Variants in TTN observed in about 807,000 individuals in gnomAD.
TTN encodes titin.
A neutral mutation model predicts 3,223.0 loss-of-function variants in TTN; 1,525 were observed. The observed-to-expected ratio is 0.47, with a 90% CI of 0.45 to 0.49. The LOEUF is 0.49. Ranked by LOEUF, TTN falls within the 20% of genes least tolerant of loss-of-function variation. The pLI is 0.00. For synonymous variants in TTN, 14,094 were observed against 15,161.0 expected (o/e 0.93, Z 5.17); for missense variants, 40,786 against 43,424.0 (o/e 0.94, Z 5.40).
chr2:178,627,549 C>T lies in TTN; in HGVS notation c.44424+1752G>A, dbSNP rs144721671. Among the ~76,000 whole-genome samples the T allele has an allele frequency of 6.6e-3, 998 of 151,956 alleles. 11 individuals carry two copies. Among genetic ancestry groups the T allele is most frequent in the African/African-American group, 0.023 (945 of 41,508 alleles). On this transcript the variant is annotated intron_variant, in intron 240 of 362. Transcript: ENST00000589042. Reference sequence around the variant, plus strand: ...AAGTTCACAAAAGGCTAAGGTATTTCGGGTGCCTAGAGTAAAGGATTAAAA... The same window carrying T: ...AAGTTCACAAAAGGCTAAGGTATTTTGGGTGCCTAGAGTAAAGGATTAAAA...
chr2:178,741,539 A>G lies in TTN; in HGVS notation c.11694T>C (p.Tyr3898=). 1 of 1,613,874 alleles carries G rather than the reference A, an allele frequency of 6.2e-7. No homozygotes were observed. The highest frequency in any genetic ancestry group is 8.5e-7 in the Non-Finnish European group (1 of 1,179,820). The part of the protein sequence containing the change: ...GEYTCMASND[Y]GKTICSAYLK... ...GATAGGCACTACATATTGTCTTTCC[A>G]TAGTCATTACTGGCCATACATGTAT... The change falls in exon 48 of 363, where the codon TAT becomes TAC. Residue 3898 remains tyrosine (Y), a synonymous_variant. Transcript: ENST00000589042.
In TTN at chr2:178,713,138, A is replaced by G. The variant is rs1281961108; in HGVS notation, c.26996T>C (p.Ile8999Thr). The change falls in exon 93 of 363, where the codon ATA (isoleucine) becomes ACA (threonine). Residue 8999 changes from isoleucine (I) to threonine (T), a missense_variant. By Grantham distance (89) the Ile-to-Thr change is moderately conservative. Transcript: ENST00000589042. ...ATCAGAACCAGCCATATTAGTAGCTATACATGTGTAGTCACCACTGTCTGA... is the reference window on the plus strand; with the variant it reads ...ATCAGAACCAGCCATATTAGTAGCTGTACATGTGTAGTCACCACTGTCTGA... The part of the protein sequence containing the change: ...EESDSGDYTC[I>T]ATNMAGSDEC... The G allele has an allele frequency of 9.9e-6, 16 of 1,613,712 alleles. No homozygotes were observed. Among genetic ancestry groups the G allele is most frequent in the Non-Finnish European group, 1.4e-5 (16 of 1,179,774 alleles).
chr2:178,799,764 G>A, intron 5 of TTN, 33 bp from the exon 6 acceptor site: 1 of 1,614,160 alleles, frequency 6.2e-7, no homozygotes, highest in South Asian at 1.1e-5. Flanking sequence ...CCACGTTGAG[G>A]AGGAATAGCT....
chr2:178,684,226 A>G, intron 132 of TTN, 104 bp downstream of exon 132: 1 of 1,383,562 alleles, frequency 7.2e-7, no homozygotes. Flanking sequence ...CAACAACAAC[A>G]TCAACAACAA....
intron 117 of TTN, chr2:178,694,390 G>A (rs931747021): frequency 1.7e-5 from 8 of 468,424 alleles, no homozygotes; most frequent in East Asian, 9.9e-5. Context: ...ATAAAAAAAT[G>A]TAATTTTTAA....
At chr2:178,733,938 C>G (rs1172350814) in intron 52 of TTN, 46 bp from the exon 53 acceptor site, 1 of 1,500,112 alleles carries the variant, frequency 6.7e-7, no homozygotes, top group African/African-American at 1.4e-5. Context: ...TTCCCAAACA[C>G]TTTCAACACC....
rs1575847256 is a variant in TTN, at chr2:178,578,334, C to T, written c.68330-149G>A. ...ATACTTTTATTACCCAAGCATAGTG[C>T]CATTTTTTTTTTCCTCTTGGAATAT... On this transcript the variant is annotated intron_variant, in intron 321 of 362. Coordinates refer to ENST00000589042, the MANE Select transcript of TTN (RefSeq NM_001267550.2). The T allele has an allele frequency of 4.5e-5, 35 of 781,942 alleles. No individual in the cohort carries two copies. The East Asian group carries it at 1.0e-3, about 23-fold the overall frequency. The allele number at this position is 781,942 out of a possible 1,614,324, so 48.4% of individuals were successfully genotyped here. A position where few individuals can be genotyped will look rare whatever the true frequency, so the allele number is the denominator to read the frequency against.
At position 178,663,695 on chromosome 2, in the gene TTN, T is replaced by C; in HGVS notation, c.36464A>G (p.Lys12155Arg). ...VPPVKVPEPP[K>R]EVVPEKKAPV... ...CGCTTTCTTTTCAGGAACTACTTCT[T>C]TGGGAGGCTCTGGTACTTAAAAGAT... The change falls in exon 171 of 363, where the codon AAA (lysine) becomes AGA (arginine). Residue 12155 changes from lysine (K) to arginine (R), a missense_variant. Coordinates refer to ENST00000589042, the MANE Select transcript of TTN (RefSeq NM_001267550.2). 1 of 1,613,548 alleles carries C rather than the reference T, an allele frequency of 6.2e-7. No homozygotes were observed. The highest frequency in any genetic ancestry group is 8.5e-7 in the Non-Finnish European group (1 of 1,179,758).
chr2:178,551,624 A>G lies in TTN; in HGVS notation c.91270+6T>C, dbSNP rs1179911841. On this transcript the variant is annotated splice_donor_region_variant and intron_variant, in intron 335 of 362. Transcript: ENST00000589042. Reference sequence around the variant, plus strand: ...AACTAAATGTATTTGAATAATAATCACTTACCTACTGGAGAAACAGCTAAG... The same window carrying G: ...AACTAAATGTATTTGAATAATAATCGCTTACCTACTGGAGAAACAGCTAAG... 1 of 1,554,968 alleles carries G rather than the reference A, an allele frequency of 6.4e-7. No individual in the cohort carries two copies. Among genetic ancestry groups the G allele is most frequent in the East Asian group, 2.3e-5 (1 of 44,210 alleles).
chr2:178,681,777 G>T, intron 135 of TTN, 39 bp from the exon 136 acceptor site: 3 of 1,473,202 alleles, frequency 2.0e-6, no homozygotes, highest in Non-Finnish European at 2.8e-6. Flanking sequence ...GTTAGACTTA[G>T]AATATAAGTT....
chr2:178,747,062 G>T lies in TTN; in HGVS notation c.11312-5141C>A, dbSNP rs397517816. Reference sequence around the variant, plus strand: ...AGTAGGAATAGAATATCTCTCTAGTGCCTCCCCTGGGGGTGTGGAATATCG... The same window carrying T: ...AGTAGGAATAGAATATCTCTCTAGTTCCTCCCCTGGGGGTGTGGAATATCG... On this transcript the variant is annotated intron_variant, in intron 47 of 362. Coordinates refer to ENST00000589042, the MANE Select transcript of TTN (RefSeq NM_001267550.2). 9 of 1,613,174 alleles carry T rather than the reference G, an allele frequency of 5.6e-6. No individual in the cohort carries two copies. The East Asian group carries it at 2.0e-4, about 36-fold the overall frequency.
Position 178,526,397 on chromosome 2 carries a change from G to A in TTN, c.*615C>T, listed in dbSNP as rs1317230297. 3 of 152,648 alleles carry A rather than the reference G, an allele frequency of 2.0e-5. No homozygotes were observed. Among genetic ancestry groups the A allele is most frequent in the African/African-American group, 7.2e-5 (3 of 41,454 alleles). 9.5% of individuals were successfully genotyped at this position (152,648 alleles called of 1,614,324 possible). A position where few individuals can be genotyped will look rare whatever the true frequency, so the allele number is the denominator to read the frequency against. On this transcript the variant is annotated 3_prime_UTR_variant, in exon 363 of 363. Coordinates refer to ENST00000589042, the MANE Select transcript of TTN (RefSeq NM_001267550.2). Reference sequence around the variant, plus strand: ...AGACAGCGTAAAATGAGCGAACAAAGTGTTGGCCGTTACACTTTGCTCTGG... The same window carrying A: ...AGACAGCGTAAAATGAGCGAACAAAATGTTGGCCGTTACACTTTGCTCTGG...
intron 144 of TTN, 99 bp downstream of exon 144, chr2:178,678,315 A>T (rs1310757289): frequency 4.0e-6 from 6 of 1,506,002 alleles, no homozygotes; most frequent in Non-Finnish European, 5.4e-6. Flanking sequence ...AACCAGATAG[A>T]CACTTTAAAA....
chr2:178,581,555 A>T lies in TTN; in HGVS notation c.66713T>A (p.Ile22238Asn), dbSNP rs1233016025. 1.2e-6 allele frequency: 2 copies of T among 1,612,054 alleles called. No individual in the cohort carries two copies. The highest frequency in any genetic ancestry group is 1.7e-6 in the Non-Finnish European group (2 of 1,178,788). The change falls in exon 316 of 363, where the codon ATT (isoleucine) becomes AAT (asparagine). Residue 22238 changes from isoleucine to asparagine, a missense_variant. Transcript: ENST00000589042. ...CACATCACTGGGGTCACTGTATCCA[A>T]TCTTATTAACGGCATACACACGGAA... is the stretch of plus-strand genomic sequence containing the variant. ...YQFRVYAVNKIGYSDPSDVPD... is the reference protein window; with the variant it reads ...YQFRVYAVNKNGYSDPSDVPD...
Position 178,564,274 on chromosome 2 carries a change from A to G in TTN, c.81858T>C (p.Val27286=), listed in dbSNP as rs727503558. 27 of 1,613,410 alleles carry G rather than the reference A, an allele frequency of 1.7e-5. No homozygotes were observed. The highest frequency in any genetic ancestry group is 1.9e-5 in the Non-Finnish European group (22 of 1,179,772). The change falls in exon 326 of 363, where the codon GTT becomes GTC. Residue 27286 remains valine (V), a synonymous_variant. Coordinates refer to ENST00000589042, the MANE Select transcript of TTN (RefSeq NM_001267550.2). ...SLDPKYKDVI[V]VHAGETFVLE... ...GAACAAAAGTCTCTCCTGCATGAAC[A>G]ACGATGACATCTTTATATTTTGGAT... is the stretch of plus-strand genomic sequence containing the variant.
In TTN at chr2:178,558,344, G is replaced by C. The variant is rs758144065; in HGVS notation, c.87115C>G (p.Leu29039Val). ...TTCTACACAAAATTAGACATACCTA[G>C]TTGCTCCTTAATAAGAACAGGAAGC... ...LLLPVLIKEQ[L>V]EPPEIDMKNF... The change falls in exon 327 of 363, where the codon CTA (leucine) becomes GTA (valine). Residue 29039 changes from leucine (L) to valine (V), a missense_variant. By Grantham distance (32) the Leu-to-Val change is conservative. Transcript: ENST00000589042. 1 of 1,610,682 alleles carries C rather than the reference G, an allele frequency of 6.2e-7. No individual in the cohort carries two copies. Among genetic ancestry groups the C allele is most frequent in the Non-Finnish European group, 8.5e-7 (1 of 1,179,058 alleles).
In TTN at chr2:178,652,718, T is replaced by C; in HGVS notation, c.38978A>G (p.Glu12993Gly). The stretch of plus-strand genomic sequence containing the variant: ...GGGCACTTTCTTTTCAGGAACAACC[T>C]CTTTGGGAGCCTCTGGTACTTAAAA... ...PPVKVPEAPKEVVPEKKVPSA... is the reference protein window; with the variant it reads ...PPVKVPEAPKGVVPEKKVPSA... Residue 12993 changes from glutamate to glycine, a missense_variant, in exon 201 of 363, where the codon GAG becomes GGG. Glu to Gly is a moderately conservative substitution (Grantham distance 98). Transcript: ENST00000589042. 1.9e-6 allele frequency: 3 copies of C among 1,613,182 alleles called. No homozygotes were observed. The highest frequency in any genetic ancestry group is 2.5e-6 in the Non-Finnish European group (3 of 1,179,486).
chr2:178,574,439 T>C lies in TTN; in HGVS notation c.71693A>G (p.Glu23898Gly). 1 of 1,613,628 alleles carries C rather than the reference T, an allele frequency of 6.2e-7. No homozygotes were observed. The highest frequency in any genetic ancestry group is 8.5e-7 in the Non-Finnish European group (1 of 1,179,656). The change falls in exon 326 of 363, where the codon GAG (glutamate) becomes GGG (glycine). Residue 23898 changes from glutamate (E) to glycine (G), a missense_variant. Glu to Gly is a moderately conservative substitution (Grantham distance 98). Coordinates refer to ENST00000589042, the MANE Select transcript of TTN (RefSeq NM_001267550.2). The stretch of plus-strand genomic sequence containing the variant: ...CATGTTTTCTGCAATCACCCGGAAC[T>C]CATAAGCAATACCATCTGTAAGTCC... ...SSGLTDGIAY[E>G]FRVIAENMAG... is the part of the protein sequence containing the mutation.
intron 43 of TTN, among the ~76,000 whole-genome samples, chr2:178,763,396 T>C (rs1375543878): frequency 6.6e-6 from 1 of 152,218 alleles, no homozygotes; most frequent in Non-Finnish European, 1.5e-5. Flanking sequence ...CTTAAGTGTT[T>C]GGTAACAGTC....
Sources: allele counts gnomAD v4.1 joint callset (sites outside exome capture counted in the v4.1 genomes callset), GRCh38; gene constraint gnomAD v4.1.1; transcripts MANE v1.5; gene names NCBI Gene and HGNC (gene_info 2026-07-23, HGNC 2026-07-21).